SCARA3: variants seen among roughly 807,000 people sequenced by gnomAD.
SCARA3 encodes the protein scavenger receptor class A member 3.
Under a neutral mutation model 47.0 loss-of-function variants are expected in SCARA3, and 39 were observed. The observed-to-expected ratio is 0.83, with a 90% CI of 0.64 to 1.08. SCARA3 has a LOEUF of 1.08. SCARA3 is among the 50% of genes least tolerant of loss of function. The pLI, the probability that SCARA3 is intolerant of heterozygous loss-of-function variation, is 0.00. For synonymous variants in SCARA3, 356 were observed against 334.1 expected, an observed-to-expected ratio of 1.07 and a Z score of -0.71; for missense variants, 724 against 792.3, an observed-to-expected ratio of 0.91 and a Z score of 1.04.
At chr8:27,693,497 T>A in the SCARA3 span, among the ~76,000 whole-genome samples, 1 of 152,164 alleles carries the variant, frequency 6.6e-6, no homozygotes, top group Non-Finnish European at 1.5e-5. Context: ...TGGAAAGAGT[T>A]CTGATTTGAG....
intron 1 of SCARA3, among the ~76,000 whole-genome samples, chr8:27,641,103 C>A (rs1801372355): frequency 1.3e-5 from 2 of 152,216 alleles, no homozygotes; most frequent in Admixed American, 6.5e-5. Flanking sequence ...TGCATTTTCC[C>A]TCAGATTTAT....
chr8:27,668,956 C>T (rs529276736), intron 5 of SCARA3, among the ~76,000 whole-genome samples: 1 of 152,230 alleles, frequency 6.6e-6, no homozygotes, highest in East Asian at 1.9e-4. Flanking sequence ...TGAGAGGGCC[C>T]CAGCTGTGTG....
chr8:27,675,834 C>T (rs74638019), downstream of SCARA3, among the ~76,000 whole-genome samples: 1 of 151,488 alleles, frequency 6.6e-6, no homozygotes, highest in African/African-American at 2.4e-5. Flanking sequence ...GGGCCTCCCC[C>T]CCAGAAACTC....
intron 1 of SCARA3, among the ~76,000 whole-genome samples, chr8:27,642,440 A>T (rs1324034602): frequency 6.6e-6 from 1 of 152,224 alleles, no homozygotes; most frequent in African/African-American, 2.4e-5. Context: ...ACGCATAAGG[A>T]ACATGAAACT....
the SCARA3 span, chr8:27,733,995 AAG>A: frequency 6.6e-6 from 1 of 152,242 alleles, no homozygotes; most frequent in Non-Finnish European, 1.5e-5. Context: ...GAATAGCTGA[AAG>A]GCTCGCTGAA....
chr8:27,712,559 T>C, the SCARA3 span, among the ~76,000 whole-genome samples: 8 of 52,944 alleles, frequency 1.5e-4, no homozygotes, highest in African/African-American at 5.4e-4. Flanking sequence ...CGAGACTCCG[T>C]CTCAAAAAAA....
chr8:27,645,454 T>TCA (rs1425525970), intron 1 of SCARA3, among the ~76,000 whole-genome samples: 15 of 152,252 alleles, frequency 9.9e-5, no homozygotes, highest in African/African-American at 3.6e-4. Flanking sequence ...CAGGCTTATA[T>TCA]GGAAAGGTCT....
At chr8:27,720,140 G>A in the SCARA3 span, among the ~76,000 whole-genome samples, 1 of 151,116 alleles carries the variant, frequency 6.6e-6, no homozygotes, top group African/African-American at 2.4e-5. Context: ...TAGGAGATGT[G>A]GGGTGCTTCA....
At chr8:27,654,367 C>A (rs1238254217) in intron 3 of SCARA3, among the ~76,000 whole-genome samples, 1 of 152,026 alleles carries the variant, frequency 6.6e-6, no homozygotes, top group Non-Finnish European at 1.5e-5. Context: ...CTACATAAAA[C>A]ATAATTTTAT....
At chr8:27,726,572 C>T in the SCARA3 span, among the ~76,000 whole-genome samples, 10 of 151,900 alleles carry the variant, frequency 6.6e-5, no homozygotes, top group Admixed American at 2.6e-4. Flanking sequence ...TGGTGGCGGG[C>T]GCCTGTAATC....
chr8:27,721,016 C>A, the SCARA3 span, among the ~76,000 whole-genome samples: 1 of 152,020 alleles, frequency 6.6e-6, no homozygotes, highest in Non-Finnish European at 1.5e-5. Flanking sequence ...ACCTATTCAC[C>A]CAATCTGCCA....
At chr8:27,699,910 A>T in the SCARA3 span, among the ~76,000 whole-genome samples, 1 of 152,256 alleles carries the variant, frequency 6.6e-6, no homozygotes, top group Non-Finnish European at 1.5e-5. Context: ...TTACACATAT[A>T]TATCAATTGA....
chr8:27,649,648 C>A, intron 1 of SCARA3, 54 bp from the exon 2 acceptor site: 1 of 1,529,046 alleles, frequency 6.5e-7, no homozygotes, highest in Non-Finnish European at 9.0e-7. Flanking sequence ...ATAAAAGGGG[C>A]TGCTGGAGAG....
chr8:27,672,762 C>G lies in SCARA3; in HGVS notation c.*1411C>G, dbSNP rs1273614265. On this transcript the variant is annotated 3_prime_UTR_variant, in exon 6 of 6. Coordinates refer to ENST00000301904, the MANE Select transcript of SCARA3 (RefSeq NM_016240.3). ...TCCTGTTGGCTACACTCTAAAGCTG[C>G]TTTGCCTTCATGTTCAAACAGATTC... 5.1e-6 allele frequency: 5 copies of G among 985,478 alleles called. No homozygotes were observed. The highest frequency in any genetic ancestry group is 6.0e-6 in the Non-Finnish European group (5 of 830,058). The allele number at this position is 985,478 out of a possible 1,614,324, so 61.0% of individuals were successfully genotyped here.
In SCARA3 at chr8:27,670,945, G is replaced by A; in HGVS notation, c.1415G>A (p.Gly472Asp). ...PGPRGFKGDM[G>D]VKGPVGGRGP... is the part of the protein sequence containing the mutation. ...CCAAGAGGATTCAAAGGAGATATGG[G>A]CGTGAAAGGGCCTGTTGGCGGCAGA... Residue 472 changes from glycine to aspartate, a missense_variant, in exon 6 of 6, where the codon GGC becomes GAC. Transcript: ENST00000301904. 1.3e-6 allele frequency: 2 copies of A among 1,587,894 alleles called. No homozygotes were observed. The highest frequency in any genetic ancestry group is 1.7e-6 in the Non-Finnish European group (2 of 1,171,490).
At chr8:27,689,492 A>G in the SCARA3 span, among the ~76,000 whole-genome samples, 4 of 152,152 alleles carry the variant, frequency 2.6e-5, no homozygotes, top group African/African-American at 4.8e-5. Flanking sequence ...TGACCCACTC[A>G]TATCTCATAA....
At chr8:27,646,091 G>A (rs4732736) in intron 1 of SCARA3, among the ~76,000 whole-genome samples, 15,800 of 152,134 alleles carry the variant, frequency 0.1, 983 homozygotes, top group East Asian at 0.28. Flanking sequence ...CCCACAGTCC[G>A]GGGCTTAGTG....
chr8:27,672,174 A>C lies in SCARA3; in HGVS notation c.*823A>C, dbSNP rs892586991. The C allele has an allele frequency of 1.0e-6, 1 of 985,436 alleles. No individual in the cohort carries two copies. Among genetic ancestry groups the C allele is most frequent in the Non-Finnish European group, 1.2e-6 (1 of 829,938 alleles). 61.0% of individuals were successfully genotyped at this position (985,436 alleles called of 1,614,324 possible). On this transcript the variant is annotated 3_prime_UTR_variant, in exon 6 of 6. Transcript: ENST00000301904. ...AGCACAGTGGGGCCACGAGGCTGAC[A>C]TTCTCTGGCCTTGCACACAGTGCCC...
chr8:27,681,252 G>A (rs75501093), downstream of SCARA3, among the ~76,000 whole-genome samples: 26 of 152,086 alleles, frequency 1.7e-4, no homozygotes, highest in East Asian at 2.3e-3. Flanking sequence ...ATAAAAACTC[G>A]CTTTTAATAA....
Sources: gnomAD v4.1 joint callset for allele counts (sites outside exome capture counted in the v4.1 genomes callset) on GRCh38, gnomAD v4.1.1 for gene constraint, MANE v1.5 for transcripts, NCBI Gene and HGNC (gene_info 2026-07-23, HGNC 2026-07-21) for gene names.